The following CCL26 variants were observed in gnomAD, a reference collection of about 807,000 sequenced individuals.
The protein encoded by CCL26 is C-C motif chemokine 26.
Under a neutral mutation model 10.7 loss-of-function variants are expected in CCL26, and 10 were observed. That is an observed-to-expected ratio of 0.93 (90% CI 0.57 to 1.58). The LOEUF is 1.58. Ranked by LOEUF, CCL26 falls within the 40% of genes most tolerant of loss-of-function variation. The probability of loss-of-function intolerance (pLI) is 0.00; values close to 1 mark genes in which losing one functional copy is unlikely to be tolerated. For missense variants in CCL26, 116 were observed against 111.0 expected, an observed-to-expected ratio of 1.05 and a Z score of -0.20; for synonymous variants, 43 against 41.4, an observed-to-expected ratio of 1.04 and a Z score of -0.15.
chr7:75,788,092 A>C (rs1327334029), intron 1 of CCL26, among the ~76,000 whole-genome samples: 14 of 151,922 alleles, frequency 9.2e-5, no homozygotes, highest in African/African-American at 2.7e-4. Context: ...TACCACCCCC[A>C]AAAATTTTCG....
Position 75,789,566 on chromosome 7 carries a change from C to A in CCL26, c.-79+151G>T, listed in dbSNP as rs1437909000. Among the ~76,000 whole-genome samples, 3 of 151,866 alleles carry A rather than the reference C, an allele frequency of 2.0e-5. No individual in the cohort carries two copies. In the East Asian group the frequency reaches 5.8e-4, roughly 30 times the overall value. Reference sequence around the variant, plus strand: ...TTTTCCATACTTCTGCCTTTCCCTGCCTTTGGCAATGGAGTCTATCCTCTG... The same window carrying A: ...TTTTCCATACTTCTGCCTTTCCCTGACTTTGGCAATGGAGTCTATCCTCTG... On this transcript the variant is annotated intron_variant, in intron 1 of 3. Coordinates refer to the CCL26 transcript ENST00000394905.
At chr7:75,772,290 C>A, upstream of CCL26, 1 of 714,184 alleles carries the variant, frequency 1.4e-6, no homozygotes, top group South Asian at 1.7e-5. Context: ...TGGTTGGGAA[C>A]AGAAGCAGCA....
At chr7:75,777,721 G>GAAAAAAAAAAAAAAAAA (rs60039632) in intron 1 of CCL26, among the ~76,000 whole-genome samples, 2 of 60,550 alleles carry the variant, frequency 3.3e-5, no homozygotes, top group African/African-American at 1.4e-4. Flanking sequence ...TCCTGTCTCA[G>GAAAAAAAAAAAAAAAAA]AAAAAAAAAA....
At chr7:75,772,684 C>CA (rs1209452591), upstream of CCL26, among the ~76,000 whole-genome samples, 272 of 146,268 alleles carry the variant, frequency 1.9e-3, 3 homozygotes, top group Middle Eastern at 0.021. Context: ...AAACAAACAA[C>CA]AAAAAAAAAC....
upstream of CCL26, among the ~76,000 whole-genome samples, chr7:75,772,972 T>C (rs1374752015): frequency 6.6e-6 from 1 of 152,206 alleles, no homozygotes; most frequent in Non-Finnish European, 1.5e-5. Context: ...ATTGCTTATC[T>C]CTGTGTGGAG....
intron 1 of CCL26, among the ~76,000 whole-genome samples, chr7:75,782,433 C>T (rs931014005): frequency 1.3e-5 from 2 of 152,198 alleles, no homozygotes; most frequent in Admixed American, 1.3e-4. Flanking sequence ...TGGCTGCTCA[C>T]CCACATTGCA....
intron 1 of CCL26, among the ~76,000 whole-genome samples, chr7:75,780,539 G>A (rs965404255): frequency 2.0e-5 from 3 of 152,088 alleles, no homozygotes; most frequent in Admixed American, 1.3e-4. Flanking sequence ...CCAGAAAAAT[G>A]GCACTTTCGA....
At chr7:75,773,844 T>C (rs540873071), upstream of CCL26, among the ~76,000 whole-genome samples, 1 of 151,914 alleles carries the variant, frequency 6.6e-6, no homozygotes, top group East Asian at 1.9e-4. Flanking sequence ...GATCGTGCCA[T>C]TGCACTCCAG....
chr7:75,779,288 C>A (rs536699843), intron 1 of CCL26, among the ~76,000 whole-genome samples: 2 of 152,298 alleles, frequency 1.3e-5, no homozygotes, highest in Non-Finnish European at 2.9e-5. Context: ...TTGGTGGTCG[C>A]TTCACACGGA....
chr7:75,787,276 A>ATTC (rs1803215258), intron 1 of CCL26, among the ~76,000 whole-genome samples: 1 of 152,140 alleles, frequency 6.6e-6, no homozygotes, highest in African/African-American at 2.4e-5. Context: ...GGCTCTTGGT[A>ATTC]TTCAGTGGAA....
At chr7:75,771,831 C>CA in intron 2 of CCL26, 58 bp downstream of exon 2, 1 of 1,061,580 alleles carries the variant, frequency 9.4e-7, no homozygotes, top group Non-Finnish European at 1.5e-6. Flanking sequence ...GTCTGCCCAG[C>CA]ACCCATCCTG....
chr7:75,791,338 G>T (rs1302663541), upstream of CCL26, among the ~76,000 whole-genome samples: 2 of 152,114 alleles, frequency 1.3e-5, no homozygotes, highest in East Asian at 1.9e-4. Flanking sequence ...CTCCCTCTTG[G>T]TACTTGTGTC....
At chr7:75,791,114 C>T (rs1007252285), upstream of CCL26, among the ~76,000 whole-genome samples, 32 of 150,506 alleles carry the variant, frequency 2.1e-4, no homozygotes, top group African/African-American at 7.8e-4. Context: ...GCAACTTCTG[C>T]CTCCCGGGTT....
chr7:75,782,207 TA>T (rs1252982706), intron 1 of CCL26, among the ~76,000 whole-genome samples: 7 of 152,274 alleles, frequency 4.6e-5, no homozygotes, highest in African/African-American at 1.7e-4. Context: ...CATTTTCTGG[TA>T]CAGACAAAGG....
At chr7:75,774,428 C>T (rs932741554), upstream of CCL26, among the ~76,000 whole-genome samples, 1 of 151,458 alleles carries the variant, frequency 6.6e-6, no homozygotes, top group Non-Finnish European at 1.5e-5. Flanking sequence ...GGATTACAGG[C>T]ATAAACCGCC....
At chr7:75,784,847 T>C (rs34972940) in intron 1 of CCL26, among the ~76,000 whole-genome samples, 28,285 of 151,800 alleles carry the variant, frequency 0.19, 3,080 homozygotes, top group East Asian at 0.28. Flanking sequence ...CCCCCCTTGG[T>C]GACCGATCAT....
intron 1 of CCL26, among the ~76,000 whole-genome samples, chr7:75,786,630 C>G (rs1335217874): frequency 6.6e-6 from 1 of 152,160 alleles, no homozygotes. Context: ...GGCATCAGAT[C>G]CCGTAGCTCA....
At chr7:75,790,124 T>G (rs1803292999), upstream of CCL26, among the ~76,000 whole-genome samples, 1 of 150,722 alleles carries the variant, frequency 6.6e-6, no homozygotes, top group African/African-American at 2.4e-5. Flanking sequence ...TCTTTTTCTT[T>G]CTTTCTTTCT....
intron 1 of CCL26, among the ~76,000 whole-genome samples, chr7:75,782,249 C>T (rs4732396): frequency 0.27 from 41,670 of 152,004 alleles, 6,053 homozygotes; most frequent in African/African-American, 0.36. Flanking sequence ...CCCAAAACTC[C>T]GGCGCCAGTC....
Sources: gnomAD v4.1 joint callset for allele counts (sites outside exome capture counted in the v4.1 genomes callset) on GRCh38, gnomAD v4.1.1 for gene constraint, MANE v1.5 for transcripts, NCBI Gene and HGNC (gene_info 2026-07-23, HGNC 2026-07-21) for gene names.